The following PRDM16 variants were observed in gnomAD, a reference collection of about 807,000 sequenced individuals.
The protein encoded by PRDM16 is PR/SET domain 16, also known as histone-lysine N-methyltransferase PRDM16.
Under a neutral mutation model 110.6 loss-of-function variants are expected in PRDM16, and 23 were observed. The observed-to-expected ratio is 0.21, with a 90% confidence interval of 0.15 to 0.29. PRDM16 has a LOEUF of 0.29. Among genes scored for constraint, PRDM16 ranks in the 10% least tolerant of loss-of-function variants. The pLI is 1.00. For missense variants in PRDM16, 1,615 were observed against 1,794.3 expected (o/e 0.90, Z 1.81); for synonymous variants, 799 against 781.8 (o/e 1.02, Z -0.37).
intron 1 of PRDM16, among the ~76,000 whole-genome samples, chr1:3,164,417 C>T (rs939012583): frequency 2.0e-5 from 3 of 152,184 alleles, no homozygotes; most frequent in African/African-American, 4.8e-5. Context: ...CCAGCTCGCT[C>T]GGACCCAGGC....
rs540487766 is a variant in PRDM16, at chr1:3,411,795, C to T, written c.1598C>T (p.Ser533Leu). Residue 533 changes from serine to leucine, a missense_variant, in exon 9 of 17, where the codon TCG becomes TTG. Ser to Leu is a moderately radical substitution (Grantham distance 145). Coordinates refer to ENST00000270722, the MANE Select transcript of PRDM16 (RefSeq NM_022114.4). ...YPRPPLLPPT[S>L]LLKSPLNHTQ... ...CGGCCGCCTCTGCTACCTCCCACATCGCTGCTCAAGAGCCCCCTGAACCAC... is the reference window on the plus strand; with the variant it reads ...CGGCCGCCTCTGCTACCTCCCACATTGCTGCTCAAGAGCCCCCTGAACCAC... 16 of 1,611,572 alleles carry T rather than the reference C, an allele frequency of 9.9e-6. No homozygotes were observed. The highest frequency in any genetic ancestry group is 8.0e-5 in the African/African-American group (6 of 74,944).
At chr1:3,132,273 T>C (rs1009159905) in intron 1 of PRDM16, among the ~76,000 whole-genome samples, 2 of 152,176 alleles carry the variant, frequency 1.3e-5, no homozygotes, top group African/African-American at 4.8e-5. Context: ...GTTTACGAAG[T>C]GTCAGGACCT....
At chr1:3,118,938 A>AAGGC (rs1296645370) in intron 1 of PRDM16, among the ~76,000 whole-genome samples, 5 of 152,184 alleles carry the variant, frequency 3.3e-5, no homozygotes, top group Admixed American at 1.3e-4. Flanking sequence ...CCGACCTTCT[A>AAGGC]AGGCATTTTG....
At chr1:3,218,922 C>T (rs923029049) in intron 2 of PRDM16, among the ~76,000 whole-genome samples, 5 of 152,216 alleles carry the variant, frequency 3.3e-5, no homozygotes, top group Non-Finnish European at 5.9e-5. Flanking sequence ...CACAGCTCAC[C>T]CTAGACAGTT....
At chr1:3,137,542 T>C (rs2235176) in intron 1 of PRDM16, among the ~76,000 whole-genome samples, 63,739 of 152,078 alleles carry the variant, frequency 0.42, 14,497 homozygotes, top group East Asian at 0.69. Context: ...TCAGATTGGA[T>C]GTGGCAAGGT....
chr1:3,397,467 G>A lies in PRDM16; in HGVS notation c.676+874G>A, dbSNP rs76683330. Among the ~76,000 whole-genome samples the A allele has an allele frequency of 8.8e-3, 1,334 of 152,356 alleles. 16 individuals carry two copies. The highest frequency in any genetic ancestry group is 0.031 in the African/African-American group (1,279 of 41,586). On this transcript the variant is annotated intron_variant, in intron 5 of 16. Coordinates refer to ENST00000270722, the MANE Select transcript of PRDM16 (RefSeq NM_022114.4). ...CTGCCTTCACGTCATGAAGCCATGTGTCCGTTCCCCTACGGGGTCCTGGAA... is the reference window on the plus strand; with the variant it reads ...CTGCCTTCACGTCATGAAGCCATGTATCCGTTCCCCTACGGGGTCCTGGAA...
At chr1:3,247,031 G>A (rs1639805824) in intron 3 of PRDM16, among the ~76,000 whole-genome samples, 1 of 152,126 alleles carries the variant, frequency 6.6e-6, no homozygotes, top group African/African-American at 2.4e-5. Context: ...CTGTTTTCAG[G>A]ATGAATTCAG....
intron 2 of PRDM16, among the ~76,000 whole-genome samples, chr1:3,200,253 G>A (rs72846890): frequency 0.095 from 14,453 of 152,308 alleles, 1,028 homozygotes; most frequent in East Asian, 0.4. Context: ...TGCCCTGGAT[G>A]GGGGCTGAAG....
intron 3 of PRDM16, among the ~76,000 whole-genome samples, chr1:3,271,331 G>A (rs962585469): frequency 6.6e-6 from 1 of 152,188 alleles, no homozygotes; most frequent in Admixed American, 6.5e-5. Context: ...GAGGCTTCCT[G>A]AAAGACCCTT....
In PRDM16 at chr1:3,359,341, G is replaced by A. The variant is rs1642670144; in HGVS notation, c.439-25811G>A. Among the ~76,000 whole-genome samples the A allele has an allele frequency of 6.6e-6, 1 of 152,202 alleles. No individual in the cohort carries two copies. The highest frequency in any genetic ancestry group is 1.5e-5 in the Non-Finnish European group (1 of 68,032). Reference sequence around the variant, plus strand: ...CTTTGTCCTGGATGTCAATGTCCATGAAAACAGCCTCAGAACTATCAGGGT... The same window carrying A: ...CTTTGTCCTGGATGTCAATGTCCATAAAAACAGCCTCAGAACTATCAGGGT... On this transcript the variant is annotated intron_variant, in intron 3 of 16. Transcript: ENST00000270722. The surrounding 1 kb of genome is among the most constrained non-coding windows in gnomAD (Gnocchi z 4.3).
At position 3,339,208 on chromosome 1, in the gene PRDM16, C is replaced by T. The variant is rs1160698533; in HGVS notation, c.439-45944C>T. ...CACCCTCACCTCCAGCTGCTGAAAG[C>T]CGAACCACGTTTTGTGGGATACTGC... On this transcript the variant is annotated intron_variant, in intron 3 of 16. Transcript: ENST00000270722. This position sits in a 1 kb window ranked among gnomAD's most constrained non-coding sequence, Gnocchi z 5.0. Among the ~76,000 whole-genome samples, 1 of 152,156 alleles carries T rather than the reference C, an allele frequency of 6.6e-6. No homozygotes were observed. The highest frequency in any genetic ancestry group is 6.5e-5 in the Admixed American group (1 of 15,278).
chr1:3,219,605 A>G (rs1209697814), intron 2 of PRDM16, among the ~76,000 whole-genome samples: 1 of 152,230 alleles, frequency 6.6e-6, no homozygotes, highest in East Asian at 1.9e-4. Flanking sequence ...GTTCGGGAAC[A>G]GGACGATAAA....
At chr1:3,273,816 A>AGG (rs1640518324) in intron 3 of PRDM16, among the ~76,000 whole-genome samples, 1 of 110,200 alleles carries the variant, frequency 9.1e-6, no homozygotes, top group South Asian at 2.9e-4. Context: ...ATAGGCATGT[A>AGG]AGTGTGTGTG....
rs1443436692 is a variant in PRDM16 at position 3,201,874 on chromosome 1, C to T, written c.387+15400C>T. 6.6e-6 allele frequency among the ~76,000 whole-genome samples: 1 copy of T among 152,246 alleles called. No individual in the cohort carries two copies. Among genetic ancestry groups the T allele is most frequent in the East Asian group, 1.9e-4 (1 of 5,188 alleles). ...TGCGGCTTCCCAGATCCCACATGAG[C>T]TTAGGCGCTGACTCCACCTCTCGGA... On this transcript the variant is annotated intron_variant, in intron 2 of 16. Transcript: ENST00000270722. The surrounding 1 kb of genome is among the most constrained non-coding windows in gnomAD (Gnocchi z 4.1).
chr1:3,361,423 G>A (rs971777652), intron 3 of PRDM16, among the ~76,000 whole-genome samples: 2 of 152,218 alleles, frequency 1.3e-5, no homozygotes, highest in Admixed American at 6.5e-5. Context: ...CAGGCAGAAC[G>A]ACCCCTGAAA....
chr1:3,070,355 G>A (rs1641719687), intron 1 of PRDM16, among the ~76,000 whole-genome samples: 1 of 147,850 alleles, frequency 6.8e-6, no homozygotes, highest in African/African-American at 2.4e-5. Context: ...CGCGCACCCC[G>A]CAGCCCCGGT....
At position 3,184,511 on chromosome 1, in the gene PRDM16, C is replaced by T. The variant is rs368476791; in HGVS notation, c.38-1614C>T. Among the ~76,000 whole-genome samples the T allele has an allele frequency of 1.7e-4, 26 of 152,236 alleles. 1 individual carries two copies. In the South Asian group the frequency reaches 4.3e-3, roughly 25 times the overall value. ...AAAGATCTAGATCAGGTCAGGGTGA[C>T]GGAGCTCACCCCACCTCCTGTCCCT... On this transcript the variant is annotated intron_variant, in intron 1 of 16. Coordinates refer to ENST00000270722, the MANE Select transcript of PRDM16 (RefSeq NM_022114.4).
chr1:3,108,634 G>A (rs533517592), intron 1 of PRDM16, among the ~76,000 whole-genome samples: 1 of 152,296 alleles, frequency 6.6e-6, no homozygotes, highest in African/African-American at 2.4e-5. Context: ...TTGGAGGGGT[G>A]GAGGAAACCA....
At position 3,411,862 on chromosome 1, in the gene PRDM16, C is replaced by A. The variant is rs768209040; in HGVS notation, c.1665C>A (p.Ala555=). The change falls in exon 9 of 17, where the codon GCC becomes GCA. Residue 555 remains alanine (A), a synonymous_variant. Transcript: ENST00000270722. ...TCCCCAGTCCCCTGGGGAACCCAGC[C>A]CTGCCCCTGGTCTCCGCCGTCAGCA... is the stretch of plus-strand genomic sequence containing the variant. ...AKLPSPLGNP[A]LPLVSAVSNS... is the part of the protein sequence containing the mutation. 2.1e-5 allele frequency: 34 copies of A among 1,612,172 alleles called. No individual in the cohort carries two copies. The highest frequency in any genetic ancestry group is 2.6e-5 in the Non-Finnish European group (31 of 1,178,966).
Sources: allele counts gnomAD v4.1 joint callset (sites outside exome capture counted in the v4.1 genomes callset), GRCh38; gene constraint gnomAD v4.1.1; non-coding constraint Gnocchi (gnomAD v3.1); transcripts MANE v1.5; gene names NCBI Gene and HGNC (gene_info 2026-07-23, HGNC 2026-07-21).